TMEM132D: variants seen among roughly 807,000 people sequenced by gnomAD.
TMEM132D encodes mature OL transmembrane protein.
TMEM132D carries 21 observed loss-of-function variants against 62.3 expected under a neutral mutation model. The observed-to-expected ratio is 0.34, with a 90% CI of 0.24 to 0.49. The LOEUF (loss-of-function observed/expected upper bound fraction) is 0.49. Ranked by LOEUF, TMEM132D falls within the 20% of genes least tolerant of loss-of-function variation. TMEM132D has a pLI of 0.99. For synonymous variants in TMEM132D, 621 were observed against 575.6 expected (o/e 1.08, Z -1.13); for missense variants, 1,346 against 1,402.8 (o/e 0.96, Z 0.65).
At chr12:129,179,889 G>T (rs577611673) in intron 5 of TMEM132D, among the ~76,000 whole-genome samples, 3 of 152,032 alleles carry the variant, frequency 2.0e-5, no homozygotes, top group African/African-American at 7.2e-5. Flanking sequence ...TTAGCCAGGC[G>T]TGGTGGCTGG....
intron 2 of TMEM132D, among the ~76,000 whole-genome samples, chr12:129,664,505 C>T (rs12316380): frequency 5.5e-5 from 8 of 145,806 alleles, no homozygotes; most frequent in African/African-American, 1.5e-4. Context: ...GCTCACTGCA[C>T]GCTCTGCCTC....
chr12:129,433,547 A>G (rs983944285), intron 3 of TMEM132D, among the ~76,000 whole-genome samples: 4 of 152,170 alleles, frequency 2.6e-5, no homozygotes, highest in Admixed American at 1.3e-4. Context: ...CCCAAATACA[A>G]TTACAATTTT....
chr12:129,903,253 G>T lies in TMEM132D; in HGVS notation c.79+8C>A. 1 of 1,552,048 alleles carries T rather than the reference G, an allele frequency of 6.4e-7. No individual in the cohort carries two copies. ...GTCCCCGGGCCCTGGCGGCCGCGGC[G>T]TCCTCACCTTTGGAAAACAGGGCGG... On this transcript the variant is annotated splice_region_variant and intron_variant, in intron 1 of 8. Coordinates refer to ENST00000422113, the MANE Select transcript of TMEM132D (RefSeq NM_133448.3). This position sits in a 1 kb window ranked among gnomAD's most constrained non-coding sequence, Gnocchi z 6.2.
At chr12:129,842,278 AC>A (rs1043834131) in intron 1 of TMEM132D, among the ~76,000 whole-genome samples, 1 of 151,544 alleles carries the variant, frequency 6.6e-6, no homozygotes, top group Non-Finnish European at 1.5e-5. Flanking sequence ...TGGATGTCTG[AC>A]CCCACAATTG....
chr12:129,353,422 A>C lies in TMEM132D; in HGVS notation c.1116-15605T>G, dbSNP rs1464488646. Among the ~76,000 whole-genome samples, 4 of 152,170 alleles carry C rather than the reference A, an allele frequency of 2.6e-5. No homozygotes were observed. The East Asian group carries it at 7.7e-4, about 29-fold the overall frequency. On this transcript the variant is annotated intron_variant, in intron 3 of 8. Transcript: ENST00000422113. ...GGGACATAGGGTCTGAAGGAACCCA[A>C]ACTGTTCAAACATCACTTCCGAACA...
intron 5 of TMEM132D, among the ~76,000 whole-genome samples, chr12:129,185,819 T>TATC (rs1878207535): frequency 6.6e-6 from 1 of 151,064 alleles, no homozygotes; most frequent in African/African-American, 2.4e-5. Flanking sequence ...ATCATCTATC[T>TATC]ATCTGTTTTT....
intron 2 of TMEM132D, among the ~76,000 whole-genome samples, chr12:129,577,141 T>G (rs1877686150): frequency 6.6e-6 from 1 of 151,830 alleles, no homozygotes; most frequent in African/African-American, 2.4e-5. Flanking sequence ...GAAAAATACT[T>G]GAGAACCACT....
chr12:129,272,648 A>T (rs565809172), intron 4 of TMEM132D, among the ~76,000 whole-genome samples: 1 of 151,580 alleles, frequency 6.6e-6, no homozygotes, highest in Non-Finnish European at 1.5e-5. Context: ...TTGCTTGTTG[A>T]TTTGTTTAAA....
At chr12:129,751,422 CCT>C (rs1869997155) in intron 1 of TMEM132D, among the ~76,000 whole-genome samples, 1 of 152,154 alleles carries the variant, frequency 6.6e-6, no homozygotes, top group Non-Finnish European at 1.5e-5. Context: ...ATGTCCCTCC[CCT>C]GACATGGGGG....
chr12:129,150,610 G>A (rs78617734), intron 5 of TMEM132D, among the ~76,000 whole-genome samples: 1,698 of 152,334 alleles, frequency 0.011, 36 homozygotes, highest in African/African-American at 0.038. Flanking sequence ...TGACCAGCAG[G>A]AGGGGCAGAA....
At chr12:129,838,252 A>G (rs758544315) in intron 1 of TMEM132D, among the ~76,000 whole-genome samples, 4 of 152,212 alleles carry the variant, frequency 2.6e-5, no homozygotes, top group African/African-American at 4.8e-5. Flanking sequence ...CAACCCAGGT[A>G]TGACCAAGGA....
chr12:129,760,304 A>T, intron 1 of TMEM132D, among the ~76,000 whole-genome samples: 1 of 150,370 alleles, frequency 6.7e-6, no homozygotes, highest in Non-Finnish European at 1.5e-5. Flanking sequence ...CAACAGACAG[A>T]AATGATGTAA....
chr12:129,136,456 GCTTT>G lies in TMEM132D; in HGVS notation c.1444-51758_1444-51755del, dbSNP rs374116823. ...TGTTCCTCAGTTTGGATAGTCCAGT[GCTTT>G]CTCAGGATTAAATTGAGGTTAGGCA... On this transcript the variant is annotated intron_variant, in intron 5 of 8. Coordinates refer to ENST00000422113, the MANE Select transcript of TMEM132D (RefSeq NM_133448.3). 7.9e-5 allele frequency among the ~76,000 whole-genome samples: 12 copies of G among 152,308 alleles called. 1 individual carries two copies. In the East Asian group the frequency reaches 9.6e-4, roughly 12 times the overall value.
chr12:129,750,028 A>G lies in TMEM132D; in HGVS notation c.80-49330T>C, dbSNP rs1011217280. The stretch of plus-strand genomic sequence containing the variant: ...CCATTCCCTCTCCTGGATAGAAAGC[A>G]TTCAGTCCGTCTCTACTGACGATGA... On this transcript the variant is annotated intron_variant, in intron 1 of 8. Coordinates refer to ENST00000422113, the MANE Select transcript of TMEM132D (RefSeq NM_133448.3). Among the ~76,000 whole-genome samples, 128 of 152,292 alleles carry G rather than the reference A, an allele frequency of 8.4e-4. 1 individual carries two copies. The highest frequency in any genetic ancestry group is 3.0e-3 in the African/African-American group (125 of 41,568).
intron 3 of TMEM132D, among the ~76,000 whole-genome samples, chr12:129,482,858 C>T (rs1409470483): frequency 6.6e-6 from 1 of 151,774 alleles, no homozygotes; most frequent in Non-Finnish European, 1.5e-5. Context: ...AACCCAGACT[C>T]ATTTAATACA....
chr12:129,706,027 G>T (rs1881498700), intron 1 of TMEM132D, among the ~76,000 whole-genome samples: 1 of 152,056 alleles, frequency 6.6e-6, no homozygotes, highest in Non-Finnish European at 1.5e-5. Context: ...TTATAGATTA[G>T]TGGGAAGAAC....
intron 3 of TMEM132D, among the ~76,000 whole-genome samples, chr12:129,413,829 T>C (rs1202359124): frequency 3.3e-5 from 5 of 152,154 alleles, no homozygotes; most frequent in African/African-American, 1.2e-4. Context: ...TATTGAAATA[T>C]CCAGAAATAA....
intron 4 of TMEM132D, among the ~76,000 whole-genome samples, chr12:129,274,760 G>T (rs550274513): frequency 6.6e-6 from 1 of 152,006 alleles, no homozygotes; most frequent in East Asian, 1.9e-4. Context: ...GGTGGCGGGC[G>T]CCTGTGGTCC....
chr12:129,510,856 G>A (rs1038907548), intron 3 of TMEM132D, among the ~76,000 whole-genome samples: 52 of 152,268 alleles, frequency 3.4e-4, no homozygotes, highest in African/African-American at 1.2e-3. Context: ...CGAGTTCACT[G>A]TTGGTATATG....
Sources: allele counts gnomAD v4.1 joint callset (sites outside exome capture counted in the v4.1 genomes callset), GRCh38; gene constraint gnomAD v4.1.1; non-coding constraint Gnocchi (gnomAD v3.1); transcripts MANE v1.5; gene names NCBI Gene and HGNC (gene_info 2026-07-23, HGNC 2026-07-21).